The following PTPRD variants were observed in gnomAD, a reference collection of about 807,000 sequenced individuals.
PTPRD encodes protein tyrosine phosphatase receptor type D.
A neutral mutation model predicts 214.5 loss-of-function variants in PTPRD; 34 were observed. The observed-to-expected ratio is 0.16, with a 90% CI of 0.12 to 0.21. The LOEUF (loss-of-function observed/expected upper bound fraction) is 0.21. Ranked by LOEUF, PTPRD falls within the 10% of genes least tolerant of loss-of-function variation. The pLI is 1.00. For synonymous variants in PTPRD, 1,128 were observed against 845.7 expected (o/e 1.33, Z -5.79); for missense variants, 2,545 against 2,398.7 (o/e 1.06, Z -1.27).
At chr9:9,374,437 G>T (rs2060276874) in intron 9 of PTPRD, among the ~76,000 whole-genome samples, 1 of 152,022 alleles carries the variant, frequency 6.6e-6, no homozygotes, top group Non-Finnish European at 1.5e-5. Flanking sequence ...TGGGAAAATT[G>T]AAAGGAGCAA....
chr9:8,432,848 T>C (rs2095143379), intron 35 of PTPRD, among the ~76,000 whole-genome samples: 1 of 152,192 alleles, frequency 6.6e-6, no homozygotes. Context: ...ATCATGAACA[T>C]CAGTGAAGAG....
At chr9:8,348,312 T>C (rs1351001799) in intron 39 of PTPRD, among the ~76,000 whole-genome samples, 2 of 152,176 alleles carry the variant, frequency 1.3e-5, no homozygotes, top group African/African-American at 2.4e-5. Context: ...TTGGCTGGAA[T>C]ATGTCTTTGA....
intron 4 of PTPRD, among the ~76,000 whole-genome samples, chr9:9,968,727 AAAC>A (rs959064771): frequency 1.5e-4 from 23 of 152,264 alleles, no homozygotes; most frequent in East Asian, 3.9e-4. Context: ...TAGGTCACAG[AAAC>A]AACAACAACA....
chr9:9,397,644 A>C (rs768679639), intron 8 of PTPRD, among the ~76,000 whole-genome samples, 162 bp from the exon 9 acceptor site: 5 of 152,016 alleles, frequency 3.3e-5, no homozygotes, highest in African/African-American at 4.8e-5. Flanking sequence ...TTTCAGATGA[A>C]AGTGTTTCAT....
Position 8,704,327 on chromosome 9 carries a change from G to A in PTPRD, c.64+29453C>T, listed in dbSNP as rs147602552. Among the ~76,000 whole-genome samples the A allele has an allele frequency of 3.5e-3, 533 of 152,220 alleles. 2 individuals are homozygous for A. The highest frequency in any genetic ancestry group is 4.1e-3 in the Admixed American group (62 of 15,292). On this transcript the variant is annotated intron_variant, in intron 12 of 45. Coordinates refer to ENST00000381196, the MANE Select transcript of PTPRD (RefSeq NM_002839.4). Reference sequence around the variant, plus strand: ...CCTCTCAGTAATATAATCTCAGTAGGCATTTCTGAATGAATGACGGAAGAA... The same window carrying A: ...CCTCTCAGTAATATAATCTCAGTAGACATTTCTGAATGAATGACGGAAGAA...
At chr9:9,774,546 A>G (rs2154484704) in intron 5 of PTPRD, among the ~76,000 whole-genome samples, 1 of 152,296 alleles carries the variant, frequency 6.6e-6, no homozygotes, top group South Asian at 2.1e-4. Context: ...GAATACCATC[A>G]ACTTCAACAG....
At chr9:8,991,187 C>G (rs927242057) in intron 11 of PTPRD, among the ~76,000 whole-genome samples, 2 of 150,328 alleles carry the variant, frequency 1.3e-5, no homozygotes, top group African/African-American at 4.9e-5. Context: ...CCATTGCACT[C>G]CAGCCTGGGT....
chr9:10,072,755 G>T (rs984882003), intron 3 of PTPRD, among the ~76,000 whole-genome samples: 1 of 152,086 alleles, frequency 6.6e-6, no homozygotes, highest in Non-Finnish European at 1.5e-5. Flanking sequence ...ACAGAGCACT[G>T]ATTGGTGCAC....
intron 9 of PTPRD, among the ~76,000 whole-genome samples, chr9:9,206,998 G>A (rs547458993): frequency 6.6e-6 from 1 of 152,236 alleles, no homozygotes; most frequent in African/African-American, 2.4e-5. Context: ...TAAACCAGGT[G>A]GAAAATAATA....
intron 12 of PTPRD, among the ~76,000 whole-genome samples, chr9:8,678,491 C>G (rs2097483086): frequency 6.6e-6 from 1 of 152,114 alleles, no homozygotes. Context: ...TCCCCCAGCC[C>G]CCTTCACTTT....
At chr9:9,770,889 C>T (rs893132761) in intron 5 of PTPRD, among the ~76,000 whole-genome samples, 1 of 152,074 alleles carries the variant, frequency 6.6e-6, no homozygotes, top group Admixed American at 6.6e-5. Context: ...TTTACAGTTA[C>T]TGTGCTTTAA....
intron 2 of PTPRD, among the ~76,000 whole-genome samples, chr9:10,552,465 T>G (rs572646340): frequency 3.3e-5 from 5 of 152,282 alleles, no homozygotes; most frequent in Non-Finnish European, 5.9e-5. Flanking sequence ...CTTCTCATTC[T>G]TCTGTCTTTT....
chr9:9,784,152 G>C (rs1211304445), intron 5 of PTPRD, among the ~76,000 whole-genome samples: 5 of 151,998 alleles, frequency 3.3e-5, no homozygotes, highest in African/African-American at 1.2e-4. Flanking sequence ...GTTTATAAAA[G>C]TATTTTTTAA....
At chr9:9,951,107 GA>G (rs1464566111) in intron 4 of PTPRD, among the ~76,000 whole-genome samples, 1 of 152,094 alleles carries the variant, frequency 6.6e-6, no homozygotes, top group Non-Finnish European at 1.5e-5. Flanking sequence ...AGGTTAATTA[GA>G]ATAAGATGTA....
chr9:8,359,794 A>G (rs935391922), intron 39 of PTPRD, among the ~76,000 whole-genome samples: 3 of 152,192 alleles, frequency 2.0e-5, no homozygotes, highest in African/African-American at 4.8e-5. Context: ...TGTTTGTGTC[A>G]AAGTTCTGTT....
At chr9:9,410,869 C>T (rs1043217138) in intron 8 of PTPRD, among the ~76,000 whole-genome samples, 21 of 152,128 alleles carry the variant, frequency 1.4e-4, no homozygotes, top group African/African-American at 2.7e-4. Context: ...CAGAACTCTG[C>T]GACCACGGTT....
intron 2 of PTPRD, among the ~76,000 whole-genome samples, chr9:10,560,951 C>T (rs1350114079): frequency 1.3e-5 from 2 of 152,088 alleles, no homozygotes; most frequent in African/African-American, 4.8e-5. Context: ...GAAGTGTGAT[C>T]TTGATGAATG....
At chr9:9,141,784 T>C (rs1177471402) in intron 10 of PTPRD, among the ~76,000 whole-genome samples, 1 of 151,278 alleles carries the variant, frequency 6.6e-6, no homozygotes, top group Admixed American at 6.6e-5. Flanking sequence ...TATTCATATA[T>C]TATATATCTC....
intron 9 of PTPRD, among the ~76,000 whole-genome samples, chr9:9,279,106 C>A (rs540719720): frequency 6.6e-6 from 1 of 151,022 alleles, no homozygotes; most frequent in African/African-American, 2.4e-5. Context: ...TACCTCTGTC[C>A]ATATTTTTGT....
Sources: gnomAD v4.1 joint callset for allele counts (sites outside exome capture counted in the v4.1 genomes callset) on GRCh38, gnomAD v4.1.1 for gene constraint, MANE v1.5 for transcripts, NCBI Gene and HGNC (gene_info 2026-07-23, HGNC 2026-07-21) for gene names.